Variants in TCF20 observed in about 807,000 individuals in gnomAD.
The protein encoded by TCF20 is SPRE-binding protein.
Under a neutral mutation model 148.6 loss-of-function variants are expected in TCF20, and 3 were observed. The ratio of observed to expected loss-of-function variants is 0.02; its 90% CI spans 0.01 to 0.05. The LOEUF (loss-of-function observed/expected upper bound fraction) is 0.05. Among genes scored for constraint, TCF20 ranks in the 10% least tolerant of loss-of-function variants. TCF20 has a pLI of 1.00. For missense variants in TCF20, 2,350 were observed against 2,429.3 expected (o/e 0.97, Z 0.69); for synonymous variants, 1,049 against 909.5 (o/e 1.15, Z -2.76).
intron 1 of TCF20, among the ~76,000 whole-genome samples, chr22:42,252,032 T>C (rs1353270470): frequency 6.6e-6 from 1 of 150,640 alleles, no homozygotes; most frequent in Non-Finnish European, 1.5e-5. Flanking sequence ...GGCAAAACCC[T>C]GCCAAGGTGG....
At chr22:42,179,839 G>A (rs1936685722) in intron 2 of TCF20, 137 bp from the exon 3 acceptor site, 1 of 641,672 alleles carries the variant, frequency 1.6e-6, no homozygotes, top group African/African-American at 1.8e-5. Context: ...GGATGAGCTG[G>A]TCAATTTCTA....
Position 42,210,163 on chromosome 22 carries a change from G to T in TCF20, c.5143C>A (p.Arg1715=), listed in dbSNP as rs370476466. 7.4e-6 allele frequency: 12 copies of T among 1,614,018 alleles called. No homozygotes were observed. The African/African-American group carries it at 1.1e-4, about 14-fold the overall frequency. Residue 1715 remains arginine (R), a synonymous_variant, in exon 2 of 6, where the codon CGG becomes AGG. Transcript: ENST00000677622. The surrounding 1 kb of genome is among the most constrained non-coding windows in gnomAD (Gnocchi z 4.7). ...GGTCCAAAGAGGTCACCCATGTTCC[G>T]GTAACTGGCCCACTTGCCACACAGA... is the stretch of plus-strand genomic sequence containing the variant. ...CCLCGKWASY[R]NMGDLFGPFY...
chr22:42,166,435 C>A (rs890759396), intron 5 of TCF20, among the ~76,000 whole-genome samples: 5 of 152,076 alleles, frequency 3.3e-5, no homozygotes, highest in Admixed American at 6.5e-5. Context: ...TGGTGAAACC[C>A]CATCTCTACA....
rs894053293 is a variant in TCF20 at position 42,168,593 on chromosome 22, G to A, written c.*44+16C>T. 3.9e-6 allele frequency: 6 copies of A among 1,549,330 alleles called. No individual in the cohort carries two copies. The highest frequency in any genetic ancestry group is 4.3e-6 in the Non-Finnish European group (5 of 1,149,988). ...GAGCCGGGCAGGATGCAGGGAGCCC[G>A]GTGGCCCCGACTCACCTGTGCTTGC... On this transcript the variant is annotated intron_variant, in intron 5 of 5. Coordinates refer to ENST00000677622, the MANE Select transcript of TCF20 (RefSeq NM_001378418.1).
chr22:42,252,149 T>C (rs1477081890), intron 1 of TCF20, among the ~76,000 whole-genome samples: 1 of 151,306 alleles, frequency 6.6e-6, no homozygotes, highest in Non-Finnish European at 1.5e-5. Flanking sequence ...TAGCCGGGTG[T>C]GGTGGCACGC....
rs117926940 is a variant in TCF20 at position 42,316,947 on chromosome 22, G to A, written c.-37+26532C>T. ...CCCCAAGTGCCAGGCGTCTTTTCCC[G>A]TCTGTGCCCACTGCTTTTCTCTTCC... On this transcript the variant is annotated intron_variant, in intron 1 of 1. Transcript: ENST00000515426. Among the ~76,000 whole-genome samples the A allele has an allele frequency of 1.1e-4, 17 of 152,202 alleles. No individual in the cohort carries two copies. The East Asian group carries it at 1.9e-3, about 17-fold the overall frequency.
At chr22:42,235,449 G>C (rs1343227444) in intron 1 of TCF20, among the ~76,000 whole-genome samples, 1 of 152,182 alleles carries the variant, frequency 6.6e-6, no homozygotes, top group Non-Finnish European at 1.5e-5. Context: ...AGAACATTGA[G>C]TAGTACTATC....
At chr22:42,236,539 T>A (rs1430418925) in intron 1 of TCF20, among the ~76,000 whole-genome samples, 1 of 152,226 alleles carries the variant, frequency 6.6e-6, no homozygotes, top group East Asian at 1.9e-4. Context: ...GGAGCTCTAC[T>A]TGGAGGCAGA....
intron 1 of TCF20, among the ~76,000 whole-genome samples, chr22:42,247,744 G>A (rs1006742009): frequency 6.6e-6 from 1 of 152,202 alleles, no homozygotes; most frequent in East Asian, 1.9e-4. Context: ...TACTATTCAC[G>A]AAGCTACAAG....
chr22:42,204,324 G>A (rs565981868), intron 2 of TCF20, among the ~76,000 whole-genome samples: 3 of 152,084 alleles, frequency 2.0e-5, no homozygotes, highest in African/African-American at 2.4e-5. Context: ...CTCAAATCCC[G>A]TCTCTACTAA....
intron 2 of TCF20, among the ~76,000 whole-genome samples, chr22:42,192,628 C>A (rs1371984846): frequency 6.6e-6 from 1 of 152,104 alleles, no homozygotes; most frequent in Admixed American, 6.5e-5. Flanking sequence ...GAAGCTAATG[C>A]CAATGAAACT....
intron 1 of TCF20, among the ~76,000 whole-genome samples, chr22:42,231,678 C>A (rs1370970524): frequency 6.6e-6 from 1 of 151,688 alleles, no homozygotes; most frequent in East Asian, 1.9e-4. Context: ...GCCTGTAATC[C>A]CAGCATTTTG....
intron 1 of TCF20, among the ~76,000 whole-genome samples, chr22:42,242,239 G>C (rs1229552642): frequency 7.8e-6 from 1 of 128,034 alleles, no homozygotes; most frequent in African/African-American, 3.3e-5. Flanking sequence ...AGAAAAGAAA[G>C]GGTGACTACA....
At chr22:42,218,019 T>G (rs1426651356) in intron 1 of TCF20, among the ~76,000 whole-genome samples, 1 of 152,238 alleles carries the variant, frequency 6.6e-6, no homozygotes, top group Non-Finnish European at 1.5e-5. Context: ...CTCATCCTAT[T>G]CAAAATGCCT....
chr22:42,304,537 C>T (rs1341748153), intron 1 of TCF20, among the ~76,000 whole-genome samples: 3 of 152,202 alleles, frequency 2.0e-5, no homozygotes. Flanking sequence ...TGCGTCCGTG[C>T]ACTGCCGCGC....
At position 42,212,509 on chromosome 22, in the gene TCF20, A is replaced by G. The variant is rs201923234; in HGVS notation, c.2797T>C (p.Phe933Leu). 1.4e-4 allele frequency: 220 copies of G among 1,614,206 alleles called. No homozygotes were observed. In the Admixed American group the frequency reaches 3.6e-3, roughly 27 times the overall value. The change falls in exon 2 of 6, where the codon TTT becomes CTT. Residue 933 changes from phenylalanine to leucine, a missense_variant. Phe to Leu is a conservative substitution (Grantham distance 22). Coordinates refer to ENST00000677622, the MANE Select transcript of TCF20 (RefSeq NM_001378418.1). The part of the protein sequence containing the change: ...SQSGQIKEED[F>L]EQSKSQASFN... The stretch of plus-strand genomic sequence containing the variant: ...CTAGCTTGAGATTTAGACTGTTCAA[A>G]GTCTTCCTCTTTTATCTGCCCGCTC...
rs1414385575 is a variant in TCF20, at chr22:42,212,951, G to A, written c.2355C>T (p.Thr785=). The change falls in exon 2 of 6, where the codon ACC becomes ACT. Residue 785 remains threonine, a synonymous_variant. Coordinates refer to ENST00000677622, the MANE Select transcript of TCF20 (RefSeq NM_001378418.1). The part of the protein sequence containing the change: ...HQGMAGSLEG[T]TRPNVLVSQT... ...GACTAACCAAGACATTGGGCCTTGT[G>A]GTTCCTTCTAGGCTACCAGCCATCC... 3 of 1,614,110 alleles carry A rather than the reference G, an allele frequency of 1.9e-6. No homozygotes were observed. The highest frequency in any genetic ancestry group is 1.1e-5 in the South Asian group (1 of 91,084).
intron 1 of TCF20, among the ~76,000 whole-genome samples, chr22:42,291,622 G>A (rs1376559653): frequency 6.6e-6 from 1 of 152,108 alleles, no homozygotes; most frequent in Non-Finnish European, 1.5e-5. Context: ...GCCCCTGCAT[G>A]GGGAATCAGA....
rs375607848 is a variant in TCF20 at position 42,213,526 on chromosome 22, C to G, written c.1780G>C (p.Asp594His). The G allele has an allele frequency of 6.2e-7, 1 of 1,614,214 alleles. No individual in the cohort carries two copies. The highest frequency in any genetic ancestry group is 8.5e-7 in the Non-Finnish European group (1 of 1,180,040). ...TTCTCATTAACCTTTGGGTTCCCGT[C>G]GGATGACAATGGCATGTCCTTAGCG... ...PGAKDMPLSS[D>H]GNPKVNEKTV... is the part of the protein sequence containing the mutation. The change falls in exon 2 of 6, where the codon GAC (aspartate) becomes CAC (histidine). Residue 594 changes from aspartate (D) to histidine (H), a missense_variant. By Grantham distance (81) the Asp-to-His change is moderately conservative. Coordinates refer to ENST00000677622, the MANE Select transcript of TCF20 (RefSeq NM_001378418.1).
Sources: allele counts gnomAD v4.1 joint callset (sites outside exome capture counted in the v4.1 genomes callset), GRCh38; gene constraint gnomAD v4.1.1; non-coding constraint Gnocchi (gnomAD v3.1); transcripts MANE v1.5; gene names NCBI Gene and HGNC (gene_info 2026-07-23, HGNC 2026-07-21).